ERAP1: variants seen among roughly 807,000 people sequenced by gnomAD.
ERAP1 encodes the protein endoplasmic reticulum aminopeptidase 1, also known as adipocyte-derived leucine aminopeptidase.
In ERAP1, 86 loss-of-function variants were observed where a neutral mutation model predicts 103.7. The observed-to-expected ratio is 0.83, with a 90% confidence interval of 0.70 to 0.99. The LOEUF (loss-of-function observed/expected upper bound fraction) is 0.99. Ranked by LOEUF, ERAP1 falls within the 50% of genes least tolerant of loss-of-function variation. The pLI is 0.00. For missense variants in ERAP1, 1,009 were observed against 1,128.4 expected, an observed-to-expected ratio of 0.89 and a Z score of 1.52; for synonymous variants, 398 against 402.4, an observed-to-expected ratio of 0.99 and a Z score of 0.13.
At chr5:96,834,116 G>T in the ERAP1 span, among the ~76,000 whole-genome samples, 50 of 152,322 alleles carry the variant, frequency 3.3e-4, no homozygotes, top group South Asian at 1.2e-3. Flanking sequence ...AGCATCATCA[G>T]ATATTTAGTT....
chr5:96,778,225 A>G (rs1048071979), intron 18 of ERAP1, among the ~76,000 whole-genome samples: 1 of 152,188 alleles, frequency 6.6e-6, no homozygotes, highest in African/African-American at 2.4e-5. Flanking sequence ...TCCTCCCCTC[A>G]TGGAGCTTAC....
At chr5:96,792,032 CTG>C (rs1561271954) in intron 8 of ERAP1, 27 bp downstream of exon 8, 1 of 1,612,802 alleles carries the variant, frequency 6.2e-7, no homozygotes, top group Admixed American at 1.7e-5. Flanking sequence ...AGTATCTAAA[CTG>C]TATCCTTATA....
chr5:96,884,107 G>A, the ERAP1 span, among the ~76,000 whole-genome samples: 11 of 150,894 alleles, frequency 7.3e-5, no homozygotes, highest in Non-Finnish European at 1.3e-4. Context: ...CATTCTAGAC[G>A]TTAACATCAT....
intron 1 of ERAP1, chr5:96,804,376 A>G: frequency 3.5e-6 from 1 of 286,708 alleles, no homozygotes. Context: ...CTGATCAAGC[A>G]CCACTCCCCA....
chr5:96,801,113 A>G (rs992120155), intron 2 of ERAP1, 113 bp from the exon 3 acceptor site: 39 of 1,208,506 alleles, frequency 3.2e-5, no homozygotes, highest in Non-Finnish European at 4.4e-5. Context: ...TTTTGCTACT[A>G]AAAAATATTT....
At chr5:96,828,874 G>A in the ERAP1 span, among the ~76,000 whole-genome samples, 4 of 152,024 alleles carry the variant, frequency 2.6e-5, no homozygotes, top group Non-Finnish European at 5.9e-5. Context: ...TTGAGATGGG[G>A]TGTCACTCTG....
At chr5:96,779,836 C>T (rs967652691) in intron 18 of ERAP1, among the ~76,000 whole-genome samples, 4 of 152,168 alleles carry the variant, frequency 2.6e-5, no homozygotes, top group African/African-American at 9.7e-5. Context: ...CCTCATTTTT[C>T]CTTGACTTCC....
chr5:96,880,344 A>G, the ERAP1 span: 1 of 1,247,032 alleles, frequency 8.0e-7, no homozygotes, highest in Non-Finnish European at 1.1e-6. Flanking sequence ...AGACTTCAGC[A>G]GCCATTTATG....
chr5:96,880,009 C>T, the ERAP1 span: 2 of 1,614,162 alleles, frequency 1.2e-6, no homozygotes, highest in South Asian at 2.2e-5. Context: ...CCCAGTTTAT[C>T]ATCTTGCACA....
the ERAP1 span, among the ~76,000 whole-genome samples, chr5:96,923,320 C>G: frequency 1.3e-5 from 2 of 152,110 alleles, no homozygotes; most frequent in Non-Finnish European, 2.9e-5. Context: ...GTTGACCCCT[C>G]GGTCTCACTG....
Position 96,803,449 on chromosome 5 carries a change from G to T in ERAP1, c.478C>A (p.His160Asn), listed in dbSNP as rs1284126514. 3 of 1,612,724 alleles carry T rather than the reference G, an allele frequency of 1.9e-6. No homozygotes were observed. The highest frequency in any genetic ancestry group is 2.5e-6 in the Non-Finnish European group (3 of 1,179,756). ...HYAGNLSETF[H>N]GFYKSTYRTK... ...CTGTAGGTGCTTTTGTAAAATCCGT[G>T]GAAAGTCTCCGAAAGATTGCCAGCA... The change falls in exon 2 of 19, where the codon CAC becomes AAC. Residue 160 changes from histidine (H) to asparagine (N), a missense_variant. By Grantham distance (68) the His-to-Asn change is moderately conservative. Coordinates refer to ENST00000443439, the MANE Select transcript of ERAP1 (RefSeq NM_001040458.3).
rs1362822339 is a variant in ERAP1, at chr5:96,767,630, G to C, written c.2819-4402C>G. On this transcript the variant is annotated intron_variant, in intron 19 of 19. Transcript: ENST00000296754. ...ATGCATATAAATGTGTGTGACTATT[G>C]TTTACCTCTCTTTTAGTCTTCACAA... 1.0e-5 allele frequency: 7 copies of C among 668,130 alleles called. No homozygotes were observed. In the Admixed American group the frequency reaches 1.9e-4, roughly 18 times the overall value. The allele number at this position is 668,130 out of a possible 1,614,324, so 41.4% of individuals were successfully genotyped here.
At chr5:96,762,058 A>G (rs1298745186) in exon 20 of ERAP1, 1 of 387,862 alleles carries the variant, frequency 2.6e-6, no homozygotes, top group Admixed American at 4.2e-5. Context: ...TAGAATAATC[A>G]ATATGAGAAG....
chr5:96,853,264 C>G, the ERAP1 span, among the ~76,000 whole-genome samples: 2 of 152,138 alleles, frequency 1.3e-5, no homozygotes, highest in African/African-American at 4.8e-5. Flanking sequence ...ATTGTAGCCC[C>G]TGATCCCAGG....
chr5:96,909,729 C>G, the ERAP1 span: 1 of 1,614,182 alleles, frequency 6.2e-7, no homozygotes, highest in South Asian at 1.1e-5. Flanking sequence ...CTGCTGAACT[C>G]TTCTCCCAGT....
Position 96,792,178 on chromosome 5 carries a change from A to G in ERAP1, c.1203T>C (p.Phe401=). ...CCTCCATTGCGTCAAAACATTTGCCAAAGAAATAATCTCCCTATTGAGATA... is the reference window on the plus strand; with the variant it reads ...CCTCCATTGCGTCAAAACATTTGCCGAAGAAATAATCTCCCTATTGAGATA... ...HPELKVGDYF[F]GKCFDAMEVD... The change falls in exon 8 of 19, where the codon TTT becomes TTC. Residue 401 remains phenylalanine, a synonymous_variant. Coordinates refer to ENST00000443439, the MANE Select transcript of ERAP1 (RefSeq NM_001040458.3). 1.2e-6 allele frequency: 2 copies of G among 1,613,640 alleles called. No individual in the cohort carries two copies. The highest frequency in any genetic ancestry group is 1.7e-6 in the Non-Finnish European group (2 of 1,179,492).
the ERAP1 span, chr5:96,917,558 G>T: frequency 1.2e-6 from 2 of 1,613,698 alleles, no homozygotes; most frequent in South Asian, 2.2e-5. Flanking sequence ...AAAATGGCTG[G>T]AGAAGAATCT....
At chr5:96,809,318 A>T (rs1412632521), upstream of ERAP1, among the ~76,000 whole-genome samples, 2 of 152,126 alleles carry the variant, frequency 1.3e-5, no homozygotes, top group Non-Finnish European at 2.9e-5. Context: ...GCCTTATTTT[A>T]CCCAGCTCCT....
the ERAP1 span, among the ~76,000 whole-genome samples, chr5:96,815,413 T>TGTTTTTTTTTTTTTTTTTTTTTTG: frequency 7.2e-6 from 1 of 138,224 alleles, no homozygotes. Context: ...TTTTGTTTTT[T>TGTTTTTTTTTTTTTTTTTTTTTTG]ATTTTTTTTT....
Sources: allele counts gnomAD v4.1 joint callset (sites outside exome capture counted in the v4.1 genomes callset), GRCh38; gene constraint gnomAD v4.1.1; transcripts MANE v1.5; gene names NCBI Gene and HGNC (gene_info 2026-07-23, HGNC 2026-07-21).